KAT6A: variants seen among roughly 807,000 people sequenced by gnomAD.
The protein encoded by KAT6A is lysine acetyltransferase 6A, also known as histone acetyltransferase KAT6A.
In KAT6A, 9 loss-of-function variants were observed where a neutral mutation model predicts 198.4. The ratio of observed to expected loss-of-function variants is 0.05; its 90% CI spans 0.03 to 0.08. The LOEUF is 0.08. Among genes scored for constraint, KAT6A ranks in the 10% least tolerant of loss-of-function variants. KAT6A has a pLI of 1.00. For missense variants in KAT6A, 2,077 were observed against 2,509.9 expected, an observed-to-expected ratio of 0.83 and a Z score of 3.69; for synonymous variants, 890 against 883.0, an observed-to-expected ratio of 1.01 and a Z score of -0.14.
chr8:41,949,655 T>C (rs899741838), intron 9 of KAT6A, among the ~76,000 whole-genome samples: 9 of 152,228 alleles, frequency 5.9e-5, no homozygotes, highest in Admixed American at 4.6e-4. Context: ...ATTTGCTAAG[T>C]AGATTAACAC....
chr8:42,016,549 C>T (rs762978252), intron 2 of KAT6A, among the ~76,000 whole-genome samples: 1 of 152,074 alleles, frequency 6.6e-6, no homozygotes, highest in Non-Finnish European at 1.5e-5. Context: ...AAACATAAAA[C>T]AGGTTGAGAG....
intron 2 of KAT6A, among the ~76,000 whole-genome samples, chr8:42,005,310 G>T (rs541075897): frequency 3.9e-5 from 6 of 152,196 alleles, no homozygotes; most frequent in African/African-American, 1.2e-4. Flanking sequence ...TAAAATTTCT[G>T]ACTTAAATAT....
At chr8:42,006,699 A>G (rs193230057) in intron 2 of KAT6A, among the ~76,000 whole-genome samples, 1 of 152,266 alleles carries the variant, frequency 6.6e-6, no homozygotes, top group African/African-American at 2.4e-5. Flanking sequence ...GTATTTATTT[A>G]ACCTAAGAAA....
intron 8 of KAT6A, among the ~76,000 whole-genome samples, chr8:41,961,751 CAAA>C (rs913470847): frequency 8.6e-5 from 4 of 46,512 alleles, no homozygotes; most frequent in Admixed American, 4.3e-4. Context: ...GACTCCATCT[CAAA>C]AAAAAAAAAA....
chr8:41,995,816 C>G (rs1476955271), intron 2 of KAT6A, among the ~76,000 whole-genome samples: 1 of 151,730 alleles, frequency 6.6e-6, no homozygotes, highest in East Asian at 1.9e-4. Flanking sequence ...GCTGGGATTA[C>G]AGGCATGTGC....
chr8:41,981,930 G>A lies in KAT6A; in HGVS notation c.734C>T (p.Ser245Phe). The stretch of plus-strand genomic sequence containing the variant: ...CTTCACTCGAACCGTTAGTTCAGGG[G>A]AAAACTTTAAACAGGATGGATGGCC... The part of the protein sequence containing the change: ...NSGHPSCLKF[S>F]PELTVRVKAL... Residue 245 changes from serine (S) to phenylalanine (F), a missense_variant, in exon 4 of 17, where the codon TCC (serine) becomes TTC (phenylalanine). By Grantham distance (155) the Ser-to-Phe change is radical (BLOSUM62 -2). Around this residue, in one of 13 missense-constraint regions of KAT6A, gnomAD observed 89 missense variants for 154.4 expected, o/e 0.58. Transcript: ENST00000265713. 1 of 1,612,958 alleles carries A rather than the reference G, an allele frequency of 6.2e-7. No individual in the cohort carries two copies. The highest frequency in any genetic ancestry group is 8.5e-7 in the Non-Finnish European group (1 of 1,179,080).
In KAT6A at chr8:41,934,254, G is replaced by T. The variant is rs1430027502; in HGVS notation, c.3966C>A (p.Gly1322=). The T allele has an allele frequency of 1.9e-6, 3 of 1,613,924 alleles. No individual in the cohort carries two copies. The highest frequency in any genetic ancestry group is 2.5e-6 in the Non-Finnish European group (3 of 1,180,026). ...CCTTTTTCTTTGTGGACTCCAGGTG[G>T]CCATCATCCTCATCATCAGCGTCGT... is the stretch of plus-strand genomic sequence containing the variant. ...DDHDADDEDD[G]HLESTKKKEL... Residue 1322 remains glycine, a synonymous_variant, in exon 17 of 17, where the codon GGC becomes GGA. Transcript: ENST00000265713.
intron 3 of KAT6A, among the ~76,000 whole-genome samples, chr8:41,982,267 A>C (rs1213873772): frequency 6.6e-6 from 1 of 152,140 alleles, no homozygotes; most frequent in African/African-American, 2.4e-5. Flanking sequence ...ATATGTATAT[A>C]TATGAATACA....
chr8:42,033,444 A>G lies in KAT6A; in HGVS notation c.600+14934T>C, dbSNP rs922727830. On this transcript the variant is annotated intron_variant, in intron 2 of 16. Coordinates refer to ENST00000265713, the MANE Select transcript of KAT6A (RefSeq NM_006766.5). The stretch of plus-strand genomic sequence containing the variant: ...TGCTGGGAAGGGTGATGTCTTCGAA[A>G]CCGAGAGCTAAGTTAGACATGTGAT... Among the ~76,000 whole-genome samples the G allele has an allele frequency of 2.6e-5, 4 of 152,326 alleles. No individual in the cohort carries two copies. In the Middle Eastern group the frequency reaches 0.01, roughly 389 times the overall value.
chr8:42,018,264 G>A (rs1173622935), intron 2 of KAT6A, among the ~76,000 whole-genome samples: 3 of 152,144 alleles, frequency 2.0e-5, no homozygotes, highest in Non-Finnish European at 4.4e-5. Flanking sequence ...GGCCAGGCAC[G>A]GTGGCTCACA....
rs146679799 is a variant in KAT6A at position 41,980,210 on chromosome 8, T to C, written c.907+636A>G. Among the ~76,000 whole-genome samples, 383 of 152,184 alleles carry C rather than the reference T, an allele frequency of 2.5e-3. 5 individuals are homozygous for C. The East Asian group carries it at 0.06, about 24-fold the overall frequency. ...GCTGAAGTTTTTTTTAAAGAACCTA[T>C]AAGCATATGAATATGGAAGTCCAAC... On this transcript the variant is annotated intron_variant, in intron 5 of 16. Coordinates refer to ENST00000265713, the MANE Select transcript of KAT6A (RefSeq NM_006766.5).
At chr8:42,027,775 A>G (rs1365414453) in intron 2 of KAT6A, among the ~76,000 whole-genome samples, 1 of 151,094 alleles carries the variant, frequency 6.6e-6, no homozygotes, top group African/African-American at 2.4e-5. Context: ...TTTCTATTTT[A>G]TTTCTGCTCC....
In KAT6A at chr8:41,947,979, G is replaced by A. The variant is rs1385477379; in HGVS notation, c.1741-67C>T. The A allele has an allele frequency of 2.3e-6, 3 of 1,288,172 alleles. No individual in the cohort carries two copies. The African/African-American group carries it at 4.6e-5, about 20-fold the overall frequency. 79.8% of individuals were successfully genotyped at this position (1,288,172 alleles called of 1,614,324 possible). A position where few individuals can be genotyped will look rare whatever the true frequency, so the allele number is the denominator to read the frequency against. On this transcript the variant is annotated intron_variant, in intron 10 of 16. Transcript: ENST00000265713. Reference sequence around the variant, plus strand: ...TTTAGTTCTAGAATAATATGTATCAGTTAAAAGCATCTCTAGATATCCACA... The same window carrying A: ...TTTAGTTCTAGAATAATATGTATCAATTAAAAGCATCTCTAGATATCCACA...
At chr8:41,964,339 T>G (rs912008673) in intron 8 of KAT6A, among the ~76,000 whole-genome samples, 1 of 152,150 alleles carries the variant, frequency 6.6e-6, no homozygotes, top group Non-Finnish European at 1.5e-5. Context: ...AGGGTATCTA[T>G]TACTAACCAC....
At chr8:42,038,976 T>C (rs1049116187) in intron 2 of KAT6A, among the ~76,000 whole-genome samples, 7 of 152,214 alleles carry the variant, frequency 4.6e-5, no homozygotes, top group Admixed American at 1.3e-4. Flanking sequence ...CCTAATGAAG[T>C]TGAAAATAAT....
At chr8:42,015,828 CA>C (rs1165315982) in intron 2 of KAT6A, among the ~76,000 whole-genome samples, 1 of 152,068 alleles carries the variant, frequency 6.6e-6, no homozygotes. Context: ...CCAAAACAGC[CA>C]AAAAATCTGA....
At chr8:41,968,472 A>G (rs1823619984) in intron 8 of KAT6A, among the ~76,000 whole-genome samples, 1 of 152,004 alleles carries the variant, frequency 6.6e-6, no homozygotes, top group African/African-American at 2.4e-5. Flanking sequence ...AAGTCAGGAA[A>G]CAACAGGTGC....
At chr8:41,996,648 C>T (rs1564053203) in intron 2 of KAT6A, among the ~76,000 whole-genome samples, 1 of 152,140 alleles carries the variant, frequency 6.6e-6, no homozygotes, top group Non-Finnish European at 1.5e-5. Context: ...ATTTGGCCCC[C>T]TTTTCCTCTC....
At chr8:41,939,841 T>A (rs751685139) in intron 15 of KAT6A, among the ~76,000 whole-genome samples, 5 of 152,192 alleles carry the variant, frequency 3.3e-5, no homozygotes, top group Non-Finnish European at 7.4e-5. Context: ...GAAATCTGAA[T>A]AAAGTATGAA....
Sources: gnomAD v4.1 joint callset for allele counts (sites outside exome capture counted in the v4.1 genomes callset) on GRCh38, gnomAD v4.1.1 for gene constraint, gnomAD v4.1.1 regional missense constraint, MANE v1.5 for transcripts, NCBI Gene and HGNC (gene_info 2026-07-23, HGNC 2026-07-21) for gene names.